The following IL1R1 variants were observed in gnomAD, a reference collection of about 807,000 sequenced individuals.
IL1R1 encodes the protein interleukin-1 receptor type 1.
A neutral mutation model predicts 50.2 loss-of-function variants in IL1R1; 22 were observed. That is an observed-to-expected ratio of 0.44 (90% CI 0.31 to 0.63). IL1R1 has a LOEUF of 0.63. Ranked by LOEUF, IL1R1 falls within the 20% of genes least tolerant of loss-of-function variation. IL1R1 has a pLI of 0.07. For missense variants in IL1R1, 509 were observed against 676.2 expected (o/e 0.75, Z 2.74); for synonymous variants, 251 against 236.7 (o/e 1.06, Z -0.55).
intron 8 of IL1R1, chr2:102,172,272 C>T (rs915659147): frequency 1.5e-5 from 15 of 985,120 alleles, no homozygotes; most frequent in African/African-American, 5.2e-5. Context: ...CCACTGCTCT[C>T]GAAAGCCTCT....
chr2:102,151,977 G>T (rs1683703322), intron 1 of IL1R1, among the ~76,000 whole-genome samples: 2 of 152,132 alleles, frequency 1.3e-5, no homozygotes. Flanking sequence ...TCAGGCAGAA[G>T]GGGCCGATGG....
chr2:102,083,297 A>C (rs1424889032), intron 1 of IL1R1, among the ~76,000 whole-genome samples: 1 of 152,212 alleles, frequency 6.6e-6, no homozygotes, highest in Non-Finnish European at 1.5e-5. Flanking sequence ...TCCACACATC[A>C]GCTGATGACT....
At chr2:102,134,342 T>C (rs1682216725) in intron 1 of IL1R1, among the ~76,000 whole-genome samples, 1 of 152,128 alleles carries the variant, frequency 6.6e-6, no homozygotes, top group Non-Finnish European at 1.5e-5. Flanking sequence ...TTTTTCTGGG[T>C]ACTTCAGATA....
rs202128608 is a variant in IL1R1 at position 102,172,680 on chromosome 2, C to T, written c.840-7C>T. 1.2e-3 allele frequency: 1,862 copies of T among 1,600,308 alleles called. 8 individuals carry two copies. The highest frequency in any genetic ancestry group is 6.6e-3 in the South Asian group (591 of 89,136). On this transcript the variant is annotated splice_polypyrimidine_tract_variant and splice_region_variant and intron_variant, in intron 8 of 11. Transcript: ENST00000410023. ...ACACAAGTTTATTTACTCTCTCTCTCGAATAGTGTGGAAAATCCTGCAAAC... is the reference window on the plus strand; with the variant it reads ...ACACAAGTTTATTTACTCTCTCTCTTGAATAGTGTGGAAAATCCTGCAAAC...
chr2:102,147,697 G>A (rs1020625670), intron 1 of IL1R1, among the ~76,000 whole-genome samples: 2 of 152,138 alleles, frequency 1.3e-5, no homozygotes, highest in African/African-American at 2.4e-5. Flanking sequence ...ATCCCCATCT[G>A]TGGCATCTGG....
upstream of IL1R1, among the ~76,000 whole-genome samples, chr2:102,103,484 A>G (rs189012800): frequency 8.3e-3 from 1,267 of 152,296 alleles, 15 homozygotes; most frequent in African/African-American, 0.028. Context: ...CAGGCGGCCC[A>G]TCCAGGTGAG....
chr2:102,146,004 A>G (rs1174724823), intron 1 of IL1R1, among the ~76,000 whole-genome samples: 3 of 152,162 alleles, frequency 2.0e-5, no homozygotes, highest in African/African-American at 7.2e-5. Context: ...TGGCACAGAG[A>G]GAAGTGGGAA....
chr2:102,087,829 T>C (rs954455407), intron 1 of IL1R1, among the ~76,000 whole-genome samples: 3 of 152,172 alleles, frequency 2.0e-5, no homozygotes, highest in Non-Finnish European at 2.9e-5. Flanking sequence ...AGTGTGAAAA[T>C]GGACTAATAT....
intron 7 of IL1R1, among the ~76,000 whole-genome samples, chr2:102,171,314 G>A (rs992854625): frequency 6.6e-6 from 1 of 152,160 alleles, no homozygotes; most frequent in Non-Finnish European, 1.5e-5. Context: ...CCTCACTAAA[G>A]AGAGGGGGTT....
chr2:102,080,881 G>C (rs915899968), intron 1 of IL1R1, among the ~76,000 whole-genome samples: 2 of 152,176 alleles, frequency 1.3e-5, no homozygotes, highest in Non-Finnish European at 2.9e-5. Flanking sequence ...CCATGGAAAG[G>C]AGTGAAGTAC....
rs111653857 is a variant in IL1R1, at chr2:102,124,290, T to G, written c.-84+19418T>G. 9.8e-4 allele frequency among the ~76,000 whole-genome samples: 149 copies of G among 151,932 alleles called. 1 individual carries two copies. Among genetic ancestry groups the G allele is most frequent in the African/African-American group, 3.4e-3 (142 of 41,442 alleles). On this transcript the variant is annotated intron_variant, in intron 1 of 10. Transcript: ENST00000409329. Reference sequence around the variant, plus strand: ...TAGAAAAATTAGCCAAGCATGGTGGTGCGCCTGTAATCCCAGCTACTCGGG... The same window carrying G: ...TAGAAAAATTAGCCAAGCATGGTGGGGCGCCTGTAATCCCAGCTACTCGGG...
intron 1 of IL1R1, among the ~76,000 whole-genome samples, chr2:102,073,880 T>C (rs558854336): frequency 1.2e-4 from 18 of 152,196 alleles, no homozygotes; most frequent in African/African-American, 4.3e-4. Flanking sequence ...GACCCTTTCT[T>C]AAAACCCCCT....
At chr2:102,160,216 T>C (rs943811378) in intron 3 of IL1R1, among the ~76,000 whole-genome samples, 7 of 152,204 alleles carry the variant, frequency 4.6e-5, no homozygotes, top group Non-Finnish European at 8.8e-5. Flanking sequence ...TTGTTTATAA[T>C]ATTCCCTCAC....
At chr2:102,116,582 CAA>C (rs999134309) in intron 1 of IL1R1, among the ~76,000 whole-genome samples, 1 of 150,902 alleles carries the variant, frequency 6.6e-6, no homozygotes, top group East Asian at 1.9e-4. Flanking sequence ...GGTGATTAGC[CAA>C]AAAAAAGAGT....
chr2:102,147,082 G>A (rs754833291), intron 1 of IL1R1, among the ~76,000 whole-genome samples: 1 of 152,186 alleles, frequency 6.6e-6, no homozygotes, highest in Non-Finnish European at 1.5e-5. Flanking sequence ...GGTAGAGGTC[G>A]AGTTAGAAAT....
intron 1 of IL1R1, among the ~76,000 whole-genome samples, chr2:102,121,119 A>G (rs1252846388): frequency 2.0e-5 from 3 of 152,052 alleles, no homozygotes; most frequent in African/African-American, 7.2e-5. Flanking sequence ...TGCTTGGTCA[A>G]TGGCCACGCT....
At chr2:102,147,216 C>T (rs1323282505) in intron 1 of IL1R1, among the ~76,000 whole-genome samples, 1 of 152,078 alleles carries the variant, frequency 6.6e-6, no homozygotes, top group African/African-American at 2.4e-5. Context: ...ATGGAACTGT[C>T]CACGTAAGTT....
Position 102,124,684 on chromosome 2 carries a change from G to A in IL1R1, c.-84+19812G>A, listed in dbSNP as rs536071114. 1.8e-4 allele frequency among the ~76,000 whole-genome samples: 27 copies of A among 152,178 alleles called. 1 individual carries two copies. Among genetic ancestry groups the A allele is most frequent in the Admixed American group, 1.6e-3 (24 of 15,306 alleles). ...TGTAATCCCAGCACTTTGAGAGGCC[G>A]AGGCAGGTGAATCACTTAAGGTCAG... On this transcript the variant is annotated intron_variant, in intron 1 of 10. Coordinates refer to the IL1R1 transcript ENST00000409329.
intron 1 of IL1R1, among the ~76,000 whole-genome samples, chr2:102,149,483 A>T (rs1402459361): frequency 6.6e-6 from 1 of 152,186 alleles, no homozygotes; most frequent in Non-Finnish European, 1.5e-5. Context: ...TCTGCTCTGC[A>T]GCTTGGCCAG....
Sources: allele counts gnomAD v4.1 joint callset (sites outside exome capture counted in the v4.1 genomes callset), GRCh38; gene constraint gnomAD v4.1.1; transcripts MANE v1.5; gene names NCBI Gene and HGNC (gene_info 2026-07-23, HGNC 2026-07-21).